GRK5: variants seen among roughly 807,000 people sequenced by gnomAD.
GRK5 encodes the protein G protein-coupled receptor kinase 5.
GRK5 carries 40 observed loss-of-function variants against 78.4 expected under a neutral mutation model. The observed-to-expected ratio is 0.51, with a 90% confidence interval of 0.40 to 0.66. The LOEUF (loss-of-function observed/expected upper bound fraction) is 0.66. GRK5 is among the 30% of genes least tolerant of loss of function. The probability of loss-of-function intolerance (pLI) is 0.00; values close to 1 mark genes in which losing one functional copy is unlikely to be tolerated. For missense variants in GRK5, 598 were observed against 759.9 expected (o/e 0.79, Z 2.50); for synonymous variants, 289 against 296.8 (o/e 0.97, Z 0.27).
chr10:119,417,985 A>G (rs906092816), intron 4 of GRK5, among the ~76,000 whole-genome samples: 8 of 152,230 alleles, frequency 5.3e-5, no homozygotes, highest in Non-Finnish European at 1.0e-4. Flanking sequence ...AACCAGTGGC[A>G]TAGAGCAGAG....
At chr10:119,265,285 CT>C (rs1251894942) in intron 1 of GRK5, among the ~76,000 whole-genome samples, 4 of 152,158 alleles carry the variant, frequency 2.6e-5, no homozygotes, top group Non-Finnish European at 5.9e-5. Context: ...TAGAGAAAGC[CT>C]TTGCTGAGGC....
At chr10:119,432,918 A>C (rs1256394365) in intron 8 of GRK5, among the ~76,000 whole-genome samples, 1 of 152,164 alleles carries the variant, frequency 6.6e-6, no homozygotes, top group Non-Finnish European at 1.5e-5. Context: ...TAAAAATACA[A>C]AAATTACCTG....
At chr10:119,429,248 C>T (rs1047533443) in intron 6 of GRK5, among the ~76,000 whole-genome samples, 10 of 152,140 alleles carry the variant, frequency 6.6e-5, no homozygotes, top group African/African-American at 1.9e-4. Context: ...GGGCCTTCCT[C>T]AGAGTGCGGC....
chr10:119,341,926 A>C (rs550188688), intron 2 of GRK5, among the ~76,000 whole-genome samples: 131 of 152,242 alleles, frequency 8.6e-4, no homozygotes, highest in African/African-American at 2.7e-3. Flanking sequence ...GTTTAGAGAG[A>C]GATTCCTAGT....
intron 2 of GRK5, among the ~76,000 whole-genome samples, chr10:119,337,520 T>C (rs1246239831): frequency 1.3e-5 from 2 of 152,230 alleles, no homozygotes; most frequent in African/African-American, 4.8e-5. Context: ...TGTCATTATT[T>C]GGTGTTCTGT....
intron 4 of GRK5, among the ~76,000 whole-genome samples, chr10:119,397,619 C>T (rs1025744063): frequency 2.0e-5 from 3 of 152,240 alleles, no homozygotes; most frequent in African/African-American, 7.2e-5. Context: ...ACCAGCTCCC[C>T]GGAAGAGTAT....
intron 9 of GRK5, among the ~76,000 whole-genome samples, chr10:119,438,533 A>G (rs1018075931): frequency 2.0e-5 from 3 of 146,850 alleles, no homozygotes; most frequent in African/African-American, 7.5e-5. Flanking sequence ...ATTCAAATGA[A>G]AAGAGTCAAA....
rs529978042 is a variant in GRK5 at position 119,379,984 on chromosome 10, G to A, written c.149-831G>A. ...CCTCTTGGCTATTGAGTGGGTAAGC[G>A]CGGGTGACTTCCTGTCTCTGTGCCT... On this transcript the variant is annotated intron_variant, in intron 2 of 15. Transcript: ENST00000392870. The surrounding 1 kb of genome is among the most constrained non-coding windows in gnomAD (Gnocchi z 4.1). 2.2e-4 allele frequency among the ~76,000 whole-genome samples: 33 copies of A among 152,236 alleles called. No individual in the cohort carries two copies. In the South Asian group the frequency reaches 4.4e-3, roughly 20 times the overall value.
At chr10:119,403,630 TTTGTTGTTG>T (rs749244447) in intron 4 of GRK5, among the ~76,000 whole-genome samples, 1 of 151,874 alleles carries the variant, frequency 6.6e-6, no homozygotes, top group South Asian at 2.1e-4. Context: ...TTTCTACCTT[TTTGTTGTTG>T]TTGTTGTTGT....
intron 1 of GRK5, among the ~76,000 whole-genome samples, chr10:119,258,777 G>A (rs1849326309): frequency 6.6e-6 from 1 of 152,328 alleles, no homozygotes; most frequent in East Asian, 1.9e-4. Context: ...GGAGAGGGGA[G>A]AGGAAAAGGA....
rs1023233683 is a variant in GRK5, at chr10:119,361,461, C to T, written c.149-19354C>T. Among the ~76,000 whole-genome samples the T allele has an allele frequency of 3.3e-5, 5 of 152,220 alleles. 1 individual carries two copies. Among genetic ancestry groups the T allele is most frequent in the Admixed American group, 1.3e-4 (2 of 15,286 alleles). ...CCTGCCGCGTAGTAGGCCTTGTTCT[C>T]TGCACTGGGGCACACAACCATGGAT... is the stretch of plus-strand genomic sequence containing the variant. On this transcript the variant is annotated intron_variant, in intron 2 of 15. Transcript: ENST00000392870.
chr10:119,300,918 C>T (rs960431221), intron 1 of GRK5, among the ~76,000 whole-genome samples: 3 of 151,826 alleles, frequency 2.0e-5, no homozygotes. Context: ...GGTAAAACCC[C>T]GTATCAACTA....
chr10:119,273,747 G>C (rs1265019520), intron 1 of GRK5, among the ~76,000 whole-genome samples: 1 of 152,138 alleles, frequency 6.6e-6, no homozygotes, highest in African/African-American at 2.4e-5. Context: ...TTCTTGTTGA[G>C]ATTTTTGCAC....
At chr10:119,394,277 T>C (rs1564916924) in intron 3 of GRK5, among the ~76,000 whole-genome samples, 1 of 41,702 alleles carries the variant, frequency 2.4e-5, no homozygotes, top group African/African-American at 7.3e-5. Context: ...TGTGTGGGCG[T>C]GTGTGTGGGT....
At chr10:119,454,536 G>T (rs1476441570) in intron 15 of GRK5, among the ~76,000 whole-genome samples, 12 of 152,214 alleles carry the variant, frequency 7.9e-5, no homozygotes, top group African/African-American at 2.9e-4. Context: ...CTCCCAGGCC[G>T]GCCCTCGCTA....
Position 119,207,851 on chromosome 10 carries a change from A to T in GRK5, c.-67A>T. 2.1e-6 allele frequency: 3 copies of T among 1,452,688 alleles called. No homozygotes were observed. Among genetic ancestry groups the T allele is most frequent in the Non-Finnish European group, 1.9e-6 (2 of 1,070,812 alleles). The allele number at this position is 1,452,688 out of a possible 1,614,324, so 90.0% of individuals were successfully genotyped here. On this transcript the variant is annotated 5_prime_UTR_variant, in exon 1 of 16. Transcript: ENST00000392870. ...CGGCGGCAGCCCGAGCAGCGGCAGC[A>T]GCAGCGGCAGCACCCCAGGCGCTGA...
chr10:119,423,115 G>T (rs149948762), intron 4 of GRK5, 51 bp from the exon 5 acceptor site: 3 of 1,265,496 alleles, frequency 2.4e-6, no homozygotes, highest in Non-Finnish European at 2.3e-6. Context: ...AAACCCGGCC[G>T]CACTGCTGCT....
rs1455321227 is a variant in GRK5 at position 119,278,739 on chromosome 10, G to A, written c.53-47777G>A. 2.0e-5 allele frequency among the ~76,000 whole-genome samples: 3 copies of A among 152,276 alleles called. No individual in the cohort carries two copies. The East Asian group carries it at 5.8e-4, about 29-fold the overall frequency. On this transcript the variant is annotated intron_variant, in intron 1 of 15. Transcript: ENST00000392870. The stretch of plus-strand genomic sequence containing the variant: ...TTATTTTCTCCCAGTCTGGAGGCTG[G>A]AAGTTCAAGGCCTAGGTGCCAGCAG...
intron 1 of GRK5, among the ~76,000 whole-genome samples, chr10:119,289,131 A>G (rs1057245341): frequency 8.9e-4 from 135 of 151,958 alleles, no homozygotes; most frequent in African/African-American, 3.3e-3. Context: ...ATTTTTCAAG[A>G]TTTTTTTTTA....
Sources: gnomAD v4.1 joint callset for allele counts (sites outside exome capture counted in the v4.1 genomes callset) on GRCh38, gnomAD v4.1.1 for gene constraint, Gnocchi (gnomAD v3.1) non-coding constraint, MANE v1.5 for transcripts, NCBI Gene and HGNC (gene_info 2026-07-23, HGNC 2026-07-21) for gene names.